The following ADAP1 variants were observed in gnomAD, a reference collection of about 807,000 sequenced individuals.
ADAP1 encodes arf-GAP with dual PH domain-containing protein 1.
A neutral mutation model predicts 54.9 loss-of-function variants in ADAP1; 31 were observed. The observed-to-expected ratio is 0.56, with a 90% CI of 0.42 to 0.76. ADAP1 has a LOEUF of 0.76. Ranked by LOEUF, ADAP1 falls within the 30% of genes least tolerant of loss-of-function variation. The pLI, the probability that ADAP1 is intolerant of heterozygous loss-of-function variation, is 0.00. For missense variants in ADAP1, 535 were observed against 512.4 expected (o/e 1.04, Z -0.42); for synonymous variants, 313 against 202.6 (o/e 1.55, Z -4.63).
chr7:935,347 G>A (rs775455142), intron 2 of ADAP1, 28 bp downstream of exon 2: 26 of 1,548,364 alleles, frequency 1.7e-5, no homozygotes, highest in Non-Finnish European at 2.2e-5. Flanking sequence ...GGGACTGCGC[G>A]GGTCCCCCCG....
rs1214767634 is a variant in ADAP1 at position 900,492 on chromosome 7, C to G, written c.732+41G>C. On this transcript the variant is annotated intron_variant, in intron 7 of 10. Coordinates refer to ENST00000265846, the MANE Select transcript of ADAP1 (RefSeq NM_006869.4). ...GCTCCGTCCACCCCCCACCCCACCA[C>G]CCCTGTCTGCCCTGGAGCTGACCGC... 3 of 1,427,420 alleles carry G rather than the reference C, an allele frequency of 2.1e-6. No individual in the cohort carries two copies. The African/African-American group carries it at 4.3e-5, about 20-fold the overall frequency. The allele number at this position is 1,427,420 out of a possible 1,614,324, so 88.4% of individuals were successfully genotyped here.
intron 4 of ADAP1, among the ~76,000 whole-genome samples, chr7:919,435 G>A (rs375787654): frequency 2.6e-5 from 4 of 151,990 alleles, no homozygotes; most frequent in Admixed American, 2.0e-4. Flanking sequence ...CCTCAGTCAC[G>A]TCACTCAGAG....
chr7:898,983 G>GGCGGGGA (rs756899548), intron 10 of ADAP1, 34 bp from the exon 11 acceptor site: 13 of 1,610,270 alleles, frequency 8.1e-6, no homozygotes, highest in South Asian at 2.2e-5. Context: ...TTGTCACAGC[G>GGCGGGGA]GCGGGGAGCT....
In ADAP1 at chr7:906,686, ACGG is replaced by A. The variant is rs1217021491; in HGVS notation, c.389-1517_389-1515del. On this transcript the variant is annotated intron_variant, in intron 4 of 10. Coordinates refer to ENST00000265846, the MANE Select transcript of ADAP1 (RefSeq NM_006869.4). ...GGGAAAGGGGACATGGACAGGGGAC[ACGG>A]GGGACATGGACATGGGGGACGGGAC... Among the ~76,000 whole-genome samples, 319 of 66,228 alleles carry A rather than the reference ACGG, an allele frequency of 4.8e-3. 24 individuals are homozygous for A. Among genetic ancestry groups the A allele is most frequent in the East Asian group, 0.023 (15 of 642 alleles). 43.4% of individuals were successfully genotyped at this position (66,228 alleles called of 152,430 possible).
At chr7:905,310 G>GGGGGAGAGGGGAC (rs1429717769) in intron 4 of ADAP1, 138 bp from the exon 5 acceptor site, 2 of 333,064 alleles carry the variant, frequency 6.0e-6, no homozygotes, top group East Asian at 1.1e-4. Flanking sequence ...GGGGGAGACG[G>GGGGGAGAGGGGAC]ACGGGGAGAG....
At chr7:925,113 T>G (rs1433535902) in intron 3 of ADAP1, among the ~76,000 whole-genome samples, 1 of 151,806 alleles carries the variant, frequency 6.6e-6, no homozygotes, top group Non-Finnish European at 1.5e-5. Context: ...CACGGGAGGC[T>G]CATCAAGAAA....
chr7:898,549 G>A lies in ADAP1; in HGVS notation c.*372C>T, dbSNP rs918313601. The A allele has an allele frequency of 1.8e-5, 6 of 329,690 alleles. No individual in the cohort carries two copies. The highest frequency in any genetic ancestry group is 2.9e-5 in the Non-Finnish European group (5 of 171,012). The allele number at this position is 329,690 out of a possible 1,614,324, so 20.4% of individuals were successfully genotyped here. ...CAGCTGCCCACCGTGCTGGCCCCAA[G>A]CAGGGCTCTGCGCTGAGGCCTGGAA... On this transcript the variant is annotated 3_prime_UTR_variant, in exon 11 of 11. Coordinates refer to ENST00000265846, the MANE Select transcript of ADAP1 (RefSeq NM_006869.4).
At chr7:942,186 T>A (rs1028672500) in intron 1 of ADAP1, among the ~76,000 whole-genome samples, 1 of 152,122 alleles carries the variant, frequency 6.6e-6, no homozygotes, top group Non-Finnish European at 1.5e-5. Flanking sequence ...AGCCATACAA[T>A]TTTAAAAGAA....
chr7:944,400 G>T lies in ADAP1; in HGVS notation c.83-8895C>A, dbSNP rs952311325. Among the ~76,000 whole-genome samples, 79 of 151,490 alleles carry T rather than the reference G, an allele frequency of 5.2e-4. 1 individual carries two copies. Among genetic ancestry groups the T allele is most frequent in the Non-Finnish European group, 6.3e-4 (43 of 67,922 alleles). ...CTCCCAAGTAGCTGGGATTACAGGC[G>T]CCCGCCACCATGCCTGGCTAATTTT... On this transcript the variant is annotated intron_variant, in intron 1 of 10. Coordinates refer to ENST00000265846, the MANE Select transcript of ADAP1 (RefSeq NM_006869.4).
At chr7:942,413 G>C (rs1583184403) in intron 1 of ADAP1, among the ~76,000 whole-genome samples, 6 of 109,548 alleles carry the variant, frequency 5.5e-5, no homozygotes, top group African/African-American at 7.4e-5. Flanking sequence ...GAGAGGAGGA[G>C]GAAGGGAGAG....
At position 926,614 on chromosome 7, in the gene ADAP1, T is replaced by A; in HGVS notation, c.244A>T (p.Arg82Ter). The A allele has an allele frequency of 6.5e-7, 1 of 1,545,018 alleles. No individual in the cohort carries two copies. The highest frequency in any genetic ancestry group is 2.5e-5 in the East Asian group (1 of 40,198). ...FMASHGNDAA[R>*]ARFESKVPSF... is the part of the protein sequence containing the mutation. ...GGTACTTTGGACTCAAACCTGGCTC[T>A]CGCGGCGTCGTTCCCGTGGGAGGCC... Residue 82 changes from arginine (R) to a stop codon, truncating the protein, a stop_gained, in exon 3 of 11, where the codon AGA becomes TGA. Coordinates refer to ENST00000265846, the MANE Select transcript of ADAP1 (RefSeq NM_006869.4). LOFTEE classifies it high-confidence loss of function. This position sits in a 1 kb window ranked among gnomAD's most constrained non-coding sequence, Gnocchi z 4.6.
intron 4 of ADAP1, 38 bp from the exon 5 acceptor site, chr7:905,210 T>A (rs181180076): frequency 3.4e-6 from 5 of 1,463,224 alleles, no homozygotes; most frequent in Admixed American, 3.7e-5. Context: ...TGACAGTGGA[T>A]GGGGGGGAGG....
chr7:905,576 A>T (rs1845172882), intron 4 of ADAP1: 1 of 110,432 alleles, frequency 9.1e-6, no homozygotes, highest in African/African-American at 3.0e-5. Context: ...GAGAAAGGAG[A>T]AAGGAGAAAG....
chr7:909,087 G>A (rs1327658470), intron 4 of ADAP1, among the ~76,000 whole-genome samples: 1 of 152,316 alleles, frequency 6.6e-6, no homozygotes. Flanking sequence ...CAGCTGCTCC[G>A]GTGTTCTCGG....
At chr7:915,739 G>A (rs919964700) in intron 4 of ADAP1, among the ~76,000 whole-genome samples, 7 of 152,164 alleles carry the variant, frequency 4.6e-5, no homozygotes, top group Non-Finnish European at 1.0e-4. Context: ...GAGGCGTCTT[G>A]GGTCACCAGG....
At position 900,083 on chromosome 7, in the gene ADAP1, G is replaced by C. The variant is rs376891756; in HGVS notation, c.795+19C>G. On this transcript the variant is annotated intron_variant, in intron 8 of 10. Coordinates refer to ENST00000265846, the MANE Select transcript of ADAP1 (RefSeq NM_006869.4). ...GGCGTACCCCAGGCCACCCCAGGCCGCACGTGCGGCACACCCACCTTGGGC... is the reference window on the plus strand; with the variant it reads ...GGCGTACCCCAGGCCACCCCAGGCCCCACGTGCGGCACACCCACCTTGGGC... The C allele has an allele frequency of 1.4e-5, 22 of 1,612,668 alleles. No individual in the cohort carries two copies. Among genetic ancestry groups the C allele is most frequent in the Non-Finnish European group, 1.8e-5 (21 of 1,179,710 alleles).
intron 6 of ADAP1, chr7:901,219 C>T (rs546908693): frequency 7.5e-5 from 27 of 358,190 alleles, no homozygotes; most frequent in African/African-American, 4.3e-4. Flanking sequence ...AGCCCCACGT[C>T]GGGTGCCCTC....
intron 1 of ADAP1, among the ~76,000 whole-genome samples, chr7:939,755 C>T (rs1296582072): frequency 3.3e-5 from 5 of 151,072 alleles, no homozygotes; most frequent in African/African-American, 9.7e-5. Context: ...CACTGGAACC[C>T]GGGAGATGGA....
intron 1 of ADAP1, among the ~76,000 whole-genome samples, chr7:941,944 C>T (rs896066388): frequency 5.9e-5 from 9 of 152,174 alleles, no homozygotes; most frequent in South Asian, 2.1e-4. Flanking sequence ...GGCACAAAAA[C>T]GGATAAACGG....
Sources: allele counts gnomAD v4.1 joint callset (sites outside exome capture counted in the v4.1 genomes callset), GRCh38; gene constraint gnomAD v4.1.1; non-coding constraint Gnocchi (gnomAD v3.1); transcripts MANE v1.5; gene names NCBI Gene and HGNC (gene_info 2026-07-23, HGNC 2026-07-21).